Variants in ACYP2 observed in about 807,000 individuals in gnomAD.
ACYP2 encodes acylphosphatase-2.
ACYP2 carries 12 observed loss-of-function variants against 11.2 expected under a neutral mutation model. The ratio of observed to expected loss-of-function variants is 1.08; its 90% CI spans 0.69 to 1.74. The LOEUF (loss-of-function observed/expected upper bound fraction) is 1.74, where lower values mean the gene tolerates loss of function less well. ACYP2 is among the 40% of genes most tolerant of loss of function. The probability of loss-of-function intolerance (pLI) is 0.00; values close to 1 mark genes in which losing one functional copy is unlikely to be tolerated. For synonymous variants in ACYP2, 43 were observed against 32.2 expected (o/e 1.33, Z -1.13); for missense variants, 134 against 101.9 (o/e 1.31, Z -1.35).
chr2:53,977,885 C>G (rs1295093038), intron 2 of ACYP2, among the ~76,000 whole-genome samples: 1 of 152,096 alleles, frequency 6.6e-6, no homozygotes, highest in Non-Finnish European at 1.5e-5. Flanking sequence ...TGTGTGTGAG[C>G]TCATTTATGG....
chr2:54,110,035 G>C (rs934864172), intron 4 of ACYP2, among the ~76,000 whole-genome samples: 1 of 152,118 alleles, frequency 6.6e-6, no homozygotes, highest in Admixed American at 6.5e-5. Flanking sequence ...GGCTTTCTCT[G>C]TTTCTGATGA....
intron 4 of ACYP2, among the ~76,000 whole-genome samples, chr2:54,090,801 A>G (rs151152244): frequency 3.8e-3 from 576 of 152,060 alleles, no homozygotes; most frequent in Middle Eastern, 0.02. Context: ...CCTCCTCTGT[A>G]TCATTGTCCT....
At chr2:54,090,892 C>G (rs2103681122) in intron 4 of ACYP2, among the ~76,000 whole-genome samples, 1 of 152,282 alleles carries the variant, frequency 6.6e-6, no homozygotes, top group Middle Eastern at 3.4e-3. Flanking sequence ...TTCCTGTTTT[C>G]CATGTATTTG....
intron 4 of ACYP2, among the ~76,000 whole-genome samples, chr2:54,069,434 G>T (rs1331428035): frequency 6.6e-6 from 1 of 152,192 alleles, no homozygotes; most frequent in Admixed American, 6.5e-5. Context: ...AGGCCGAGGC[G>T]GGTGGATCAC....
At chr2:54,293,492 C>T (rs138926695) in intron 6 of ACYP2, among the ~76,000 whole-genome samples, 5 of 152,298 alleles carry the variant, frequency 3.3e-5, no homozygotes, top group Non-Finnish European at 7.3e-5. Context: ...CGCCATTTTC[C>T]GCTGCAAGCT....
chr2:54,174,524 C>G (rs571059176), intron 6 of ACYP2, among the ~76,000 whole-genome samples: 6 of 152,086 alleles, frequency 3.9e-5, no homozygotes, highest in Non-Finnish European at 7.4e-5. Flanking sequence ...ATTTCTTTTT[C>G]TTGCCTGATT....
At chr2:54,228,318 A>G (rs1287677598) in intron 6 of ACYP2, among the ~76,000 whole-genome samples, 1 of 152,084 alleles carries the variant, frequency 6.6e-6, no homozygotes, top group Non-Finnish European at 1.5e-5. Context: ...GAACCATAAC[A>G]ACAGCAACAG....
Position 54,304,977 on chromosome 2 carries a change from T to C in ACYP2, c.*175T>C, listed in dbSNP as rs1448547380. ...CTGAAATAATTTTACTCAACTATGT[T>C]TTCAACAAGCAAAAATATAGTATTC... On this transcript the variant is annotated 3_prime_UTR_variant, in exon 7 of 7. Coordinates refer to ENST00000607452, the MANE Select transcript of ACYP2 (RefSeq NM_001320586.2). 1 of 409,734 alleles carries C rather than the reference T, an allele frequency of 2.4e-6. No individual in the cohort carries two copies. Among genetic ancestry groups the C allele is most frequent in the African/African-American group, 2.0e-5 (1 of 49,322 alleles). 25.4% of individuals were successfully genotyped at this position (409,734 alleles called of 1,614,324 possible).
At chr2:53,993,596 C>T (rs898868337) in intron 2 of ACYP2, among the ~76,000 whole-genome samples, 1 of 151,466 alleles carries the variant, frequency 6.6e-6, no homozygotes, top group Admixed American at 6.6e-5. Flanking sequence ...CCTCGGGAGG[C>T]TGAGGCACAA....
intron 6 of ACYP2, among the ~76,000 whole-genome samples, chr2:54,176,123 C>T (rs113874439): frequency 2.0e-5 from 3 of 152,218 alleles, no homozygotes; most frequent in African/African-American, 7.2e-5. Context: ...TATAAAGTAC[C>T]CAGTCTAAGG....
chr2:54,153,510 A>G (rs1316869251), intron 6 of ACYP2, among the ~76,000 whole-genome samples: 1 of 149,682 alleles, frequency 6.7e-6, no homozygotes, highest in Non-Finnish European at 1.5e-5. Flanking sequence ...TTTCAAAATA[A>G]CTTTTTCTAT....
At chr2:53,990,652 CAAAAAAA>C (rs80058534) in intron 2 of ACYP2, among the ~76,000 whole-genome samples, 1 of 49,576 alleles carries the variant, frequency 2.0e-5, no homozygotes, top group Admixed American at 2.2e-4. Context: ...TCCGTCTTAC[CAAAAAAA>C]AAAAAAAAGA....
intron 4 of ACYP2, among the ~76,000 whole-genome samples, chr2:54,095,416 G>A (rs1024572562): frequency 1.3e-5 from 2 of 152,234 alleles, no homozygotes; most frequent in Non-Finnish European, 1.5e-5. Flanking sequence ...TCCCAGACGG[G>A]GTGGTGGCCG....
At chr2:54,270,894 A>AAT (rs138416670) in intron 6 of ACYP2, among the ~76,000 whole-genome samples, 3,853 of 152,302 alleles carry the variant, frequency 0.025, 170 homozygotes, top group African/African-American at 0.089. Context: ...TTTTCTGTAT[A>AAT]ATATATATCT....
chr2:54,280,896 T>C (rs1023967290), intron 6 of ACYP2, among the ~76,000 whole-genome samples: 4 of 152,174 alleles, frequency 2.6e-5, no homozygotes, highest in African/African-American at 9.7e-5. Flanking sequence ...GGTAGCATCA[T>C]TGATTTGTGA....
intron 2 of ACYP2, among the ~76,000 whole-genome samples, chr2:53,974,744 A>C (rs537193209): frequency 1.4e-4 from 22 of 152,318 alleles, no homozygotes; most frequent in Non-Finnish European, 1.8e-4. Context: ...TAGTGATGGT[A>C]GTGTTAGCTA....
intron 6 of ACYP2, among the ~76,000 whole-genome samples, chr2:54,256,528 T>A (rs1002591345): frequency 6.6e-6 from 1 of 152,252 alleles, no homozygotes; most frequent in African/African-American, 2.4e-5. Context: ...ATTTTTCATA[T>A]GGATTTGTAG....
At chr2:54,008,570 G>C (rs1462993288) in intron 2 of ACYP2, among the ~76,000 whole-genome samples, 1 of 152,156 alleles carries the variant, frequency 6.6e-6, no homozygotes, top group Non-Finnish European at 1.5e-5. Flanking sequence ...CAGAGGCAAA[G>C]AATTACATTC....
intron 2 of ACYP2, among the ~76,000 whole-genome samples, chr2:53,997,569 G>A (rs1364065774): frequency 6.6e-6 from 1 of 152,078 alleles, no homozygotes; most frequent in African/African-American, 2.4e-5. Flanking sequence ...GCCTCCCAAA[G>A]TGCTGAGACT....
Sources: gnomAD v4.1 joint callset for allele counts (sites outside exome capture counted in the v4.1 genomes callset) on GRCh38, gnomAD v4.1.1 for gene constraint, MANE v1.5 for transcripts, NCBI Gene and HGNC (gene_info 2026-07-23, HGNC 2026-07-21) for gene names.